Variants in COL6A6 observed in about 807,000 individuals in gnomAD.
COL6A6 encodes collagen alpha-6(VI) chain.
In COL6A6, 183 loss-of-function variants were observed where a neutral mutation model predicts 208.6. That is an observed-to-expected ratio of 0.88 (90% CI 0.78 to 0.99). The LOEUF is 0.99. COL6A6 is among the 50% of genes least tolerant of loss of function. The pLI is 0.00. For synonymous variants in COL6A6, 973 were observed against 1,011.8 expected (o/e 0.96, Z 0.73); for missense variants, 2,816 against 2,815.2 (o/e 1.00, Z -0.01).
At chr3:130,599,930 T>C (rs2108133832) in intron 20 of COL6A6, 120 bp downstream of exon 20, 1 of 894,664 alleles carries the variant, frequency 1.1e-6, no homozygotes, top group Admixed American at 2.0e-5. Flanking sequence ...TTGAGGAAAC[T>C]AACTTATGAC....
intron 1 of COL6A6, among the ~76,000 whole-genome samples, chr3:130,543,187 A>T (rs1252174987): frequency 6.6e-6 from 1 of 152,076 alleles, no homozygotes; most frequent in Non-Finnish European, 1.5e-5. Flanking sequence ...TACAGGTGTG[A>T]GCCACCGTGT....
intron 10 of COL6A6, among the ~76,000 whole-genome samples, chr3:130,582,596 T>G (rs1009986780): frequency 6.6e-6 from 1 of 152,146 alleles, no homozygotes; most frequent in Non-Finnish European, 1.5e-5. Context: ...GCACCAGGCT[T>G]TTGGCTTTTG....
intron 24 of COL6A6, among the ~76,000 whole-genome samples, chr3:130,625,448 GATCAAGGTTAAC>G (rs2064856830): frequency 6.6e-6 from 1 of 152,120 alleles, no homozygotes. Context: ...TCAACCAGAA[GATCAAGGTTAAC>G]ATCAACACTG....
At chr3:130,614,478 G>A (rs759947423) in intron 23 of COL6A6, among the ~76,000 whole-genome samples, 53 of 151,956 alleles carry the variant, frequency 3.5e-4, no homozygotes, top group Non-Finnish European at 5.9e-4. Flanking sequence ...TTCTTTTTTC[G>A]TTGTGTCTCT....
intron 7 of COL6A6, 117 bp from the exon 8 acceptor site, chr3:130,573,839 G>A (rs760304299): frequency 2.0e-5 from 14 of 686,346 alleles, no homozygotes; most frequent in Non-Finnish European, 2.9e-5. Context: ...AAAGTGCTGG[G>A]ATTACAGGAG....
intron 18 of COL6A6, among the ~76,000 whole-genome samples, chr3:130,596,180 T>C (rs1354147940): frequency 6.6e-6 from 1 of 152,244 alleles, no homozygotes; most frequent in Non-Finnish European, 1.5e-5. Context: ...TGACATCTTC[T>C]GATAATGGTG....
intron 2 of COL6A6, among the ~76,000 whole-genome samples, 187 bp from the exon 3 acceptor site, chr3:130,562,881 A>G (rs2062924555): frequency 1.3e-5 from 2 of 152,248 alleles, no homozygotes; most frequent in Admixed American, 1.3e-4. Flanking sequence ...GTTTAAAAGA[A>G]TCAGCCCAAG....
chr3:130,565,443 A>G lies in COL6A6; in HGVS notation c.1111A>G (p.Ser371Gly). Residue 371 changes from serine (S) to glycine (G), a missense_variant, in exon 4 of 37, where the codon AGC (serine) becomes GGC (glycine). By Grantham distance (56) the Ser-to-Gly change is moderately conservative (BLOSUM62 0). Coordinates refer to ENST00000358511, the MANE Select transcript of COL6A6 (RefSeq NM_001102608.3). ...TIFTLGIEGA[S>G]DTQLEKIASH... ...CTTCACCCTGGGCATAGAGGGCGCC[A>G]GCGACACCCAGTTGGAAAAGATAGC... is the stretch of plus-strand genomic sequence containing the variant. 2 of 1,613,934 alleles carry G rather than the reference A, an allele frequency of 1.2e-6. No individual in the cohort carries two copies. The highest frequency in any genetic ancestry group is 1.7e-6 in the Non-Finnish European group (2 of 1,179,852).
chr3:130,598,822 A>T (rs924017183), intron 19 of COL6A6, among the ~76,000 whole-genome samples: 1 of 152,236 alleles, frequency 6.6e-6, no homozygotes, highest in Admixed American at 6.5e-5. Flanking sequence ...TTATAAAAAG[A>T]ACAAGATCTG....
intron 17 of COL6A6, 56 bp downstream of exon 17, chr3:130,593,308 T>G (rs535102480): frequency 7.3e-7 from 1 of 1,378,854 alleles, no homozygotes; most frequent in South Asian, 1.2e-5. Flanking sequence ...AGGGTGTGAT[T>G]AACAGAGTAG....
At chr3:130,590,270 TATATATATATATATATATATATATA>T in intron 12 of COL6A6, among the ~76,000 whole-genome samples, 1 of 18,008 alleles carries the variant, frequency 5.6e-5, no homozygotes, top group Non-Finnish European at 1.3e-4. Flanking sequence ...TATATATATA[TATATATATATATATATATATATATA>T]TATATTTTTT....
At chr3:130,611,498 T>C (rs115249592) in intron 23 of COL6A6, among the ~76,000 whole-genome samples, 2,041 of 152,298 alleles carry the variant, frequency 0.013, 18 homozygotes, top group Non-Finnish European at 0.021. Context: ...CCATAAAAGA[T>C]AGGACTTTGT....
chr3:130,673,491 G>A (rs1413984645), intron 36 of COL6A6, among the ~76,000 whole-genome samples: 2 of 152,002 alleles, frequency 1.3e-5, no homozygotes, highest in African/African-American at 4.8e-5. Flanking sequence ...TGCGGGGTAG[G>A]GGGACGCAGC....
rs749777529 is a variant in COL6A6 at position 130,574,026 on chromosome 3, C to T, written c.3048C>T (p.Phe1016=). 32 of 1,613,714 alleles carry T rather than the reference C, an allele frequency of 2.0e-5. No homozygotes were observed. The Admixed American group carries it at 5.3e-4, about 27-fold the overall frequency. The part of the protein sequence containing the change: ...DGSTSIQPND[F]KKMKEFLASV... ...CAACTAGCATTCAGCCAAATGACTTCAAGAAAATGAAGGAATTTCTGGCAT... is the reference window on the plus strand; with the variant it reads ...CAACTAGCATTCAGCCAAATGACTTTAAGAAAATGAAGGAATTTCTGGCAT... Residue 1016 remains phenylalanine (F), a synonymous_variant, in exon 8 of 37, where the codon TTC becomes TTT. Transcript: ENST00000358511.
chr3:130,627,662 C>T (rs2064932327), intron 26 of COL6A6, among the ~76,000 whole-genome samples: 1 of 152,202 alleles, frequency 6.6e-6, no homozygotes, highest in African/African-American at 2.4e-5. Context: ...ATCTTAGCCA[C>T]TCCAGGCTCA....
chr3:130,649,654 A>G (rs2065577225), intron 33 of COL6A6, 92 bp downstream of exon 33: 2 of 1,341,590 alleles, frequency 1.5e-6, no homozygotes, highest in African/African-American at 1.5e-5. Flanking sequence ...AATCAGGGCC[A>G]TTTGTTAGGA....
intron 1 of COL6A6, among the ~76,000 whole-genome samples, chr3:130,533,253 TAAAAA>T (rs59750509): frequency 7.7e-5 from 10 of 129,522 alleles, no homozygotes; most frequent in South Asian, 2.5e-4. Flanking sequence ...TCCCAGGAAT[TAAAAA>T]AAAAAAAAAA....
At chr3:130,654,306 TC>T (rs961068734) in intron 33 of COL6A6, among the ~76,000 whole-genome samples, 2 of 149,478 alleles carry the variant, frequency 1.3e-5, no homozygotes, top group African/African-American at 4.9e-5. Flanking sequence ...GATTTTTTTT[TC>T]CCCCTGGATC....
Position 130,563,052 on chromosome 3 carries a change from G to A in COL6A6, c.65-16G>A. The A allele has an allele frequency of 6.3e-7, 1 of 1,584,790 alleles. No individual in the cohort carries two copies. Among genetic ancestry groups the A allele is most frequent in the East Asian group, 2.2e-5 (1 of 44,542 alleles). ...TTTAAAGTTTTTGGTTCGTTCATATGTTTGTGGTTTTGCAGGCCCTGAGTA... is the reference window on the plus strand; with the variant it reads ...TTTAAAGTTTTTGGTTCGTTCATATATTTGTGGTTTTGCAGGCCCTGAGTA... On this transcript the variant is annotated splice_polypyrimidine_tract_variant and intron_variant, in intron 2 of 36. Coordinates refer to ENST00000358511, the MANE Select transcript of COL6A6 (RefSeq NM_001102608.3).
Sources: allele counts gnomAD v4.1 joint callset (sites outside exome capture counted in the v4.1 genomes callset), GRCh38; gene constraint gnomAD v4.1.1; transcripts MANE v1.5; gene names NCBI Gene and HGNC (gene_info 2026-07-23, HGNC 2026-07-21).